The following BTBD9 variants were observed in gnomAD, a reference collection of about 807,000 sequenced individuals.
The protein encoded by BTBD9 is BTB domain containing 9, also known as BTB/POZ domain-containing protein 9.
Under a neutral mutation model 64.3 loss-of-function variants are expected in BTBD9, and 49 were observed. The observed-to-expected ratio is 0.76, with a 90% CI of 0.61 to 0.97. The LOEUF (loss-of-function observed/expected upper bound fraction) is 0.97. Ranked by LOEUF, BTBD9 falls within the 50% of genes least tolerant of loss-of-function variation. The pLI, the probability that BTBD9 is intolerant of heterozygous loss-of-function variation, is 0.00. For synonymous variants in BTBD9, 260 were observed against 274.7 expected (o/e 0.95, Z 0.53); for missense variants, 598 against 762.1 (o/e 0.78, Z 2.53).
At chr6:38,422,605 G>A (rs531708245) in intron 6 of BTBD9, among the ~76,000 whole-genome samples, 1 of 152,222 alleles carries the variant, frequency 6.6e-6, no homozygotes, top group African/African-American at 2.4e-5. Context: ...ATGTAGAATA[G>A]GGATCCCTGT....
intron 9 of BTBD9, among the ~76,000 whole-genome samples, chr6:38,198,351 C>T (rs1561861696): frequency 1.3e-5 from 2 of 152,096 alleles, no homozygotes; most frequent in Non-Finnish European, 2.9e-5. Context: ...CGGAAAGAAG[C>T]AGAGGACAGG....
At chr6:38,266,237 C>A (rs1188738483) in intron 8 of BTBD9, among the ~76,000 whole-genome samples, 1 of 151,932 alleles carries the variant, frequency 6.6e-6, no homozygotes, top group African/African-American at 2.4e-5. Flanking sequence ...AAATTTTGCC[C>A]CAGGCTTATG....
At chr6:38,228,626 A>G (rs1289532090) in intron 9 of BTBD9, among the ~76,000 whole-genome samples, 1 of 152,132 alleles carries the variant, frequency 6.6e-6, no homozygotes, top group Non-Finnish European at 1.5e-5. Context: ...CTGTAATCCC[A>G]GCACTTTGGG....
At chr6:38,324,061 C>T (rs1034104643) in intron 7 of BTBD9, among the ~76,000 whole-genome samples, 1 of 152,138 alleles carries the variant, frequency 6.6e-6, no homozygotes, top group African/African-American at 2.4e-5. Context: ...TTTGATCATG[C>T]CACTGAACTC....
At chr6:38,547,080 A>G (rs1015044679) in intron 6 of BTBD9, among the ~76,000 whole-genome samples, 1 of 152,184 alleles carries the variant, frequency 6.6e-6, no homozygotes, top group Non-Finnish European at 1.5e-5. Context: ...TGCTCCATTT[A>G]TCTGATTGCT....
At chr6:38,477,327 T>C (rs949165616) in intron 6 of BTBD9, among the ~76,000 whole-genome samples, 1 of 152,238 alleles carries the variant, frequency 6.6e-6, no homozygotes, top group African/African-American at 2.4e-5. Flanking sequence ...AACTAAGTGT[T>C]ACCTAGTACC....
intron 7 of BTBD9, among the ~76,000 whole-genome samples, chr6:38,308,644 C>T (rs1178201687): frequency 1.3e-5 from 2 of 152,060 alleles, no homozygotes; most frequent in Non-Finnish European, 2.9e-5. Flanking sequence ...CACTCTGTTG[C>T]CCAGGCGGGA....
At chr6:38,240,421 C>T (rs1251819346) in intron 9 of BTBD9, among the ~76,000 whole-genome samples, 1 of 152,172 alleles carries the variant, frequency 6.6e-6, no homozygotes, top group Admixed American at 6.5e-5. Context: ...CAAAATATGT[C>T]CACTAAATTA....
At position 38,171,908 on chromosome 6, in the gene BTBD9, AAT is replaced by A; in HGVS notation, c.*3075_*3076del. ...TAATAATAATAATAATAATAATAAT[AAT>A]GAAAAGTGAAGGGTGGGGGTGCTGG... On this transcript the variant is annotated 3_prime_UTR_variant, in exon 11 of 11. Transcript: ENST00000481247. The A allele has an allele frequency of 6.9e-6, 1 of 144,778 alleles. No individual in the cohort carries two copies. Among genetic ancestry groups the A allele is most frequent in the East Asian group, 2.1e-4 (1 of 4,818 alleles). 9.0% of individuals were successfully genotyped at this position (144,778 alleles called of 1,614,324 possible). A position where few individuals can be genotyped will look rare whatever the true frequency, so the allele number is the denominator to read the frequency against.
chr6:38,233,317 G>C (rs1057355116), intron 9 of BTBD9, among the ~76,000 whole-genome samples: 4 of 152,150 alleles, frequency 2.6e-5, no homozygotes, highest in African/African-American at 7.2e-5. Context: ...CAGGCTCTGT[G>C]CCAAGTTGTG....
chr6:38,527,042 A>C (rs960000058), intron 6 of BTBD9, among the ~76,000 whole-genome samples: 2 of 152,008 alleles, frequency 1.3e-5, no homozygotes, highest in African/African-American at 4.8e-5. Flanking sequence ...TCGGGAGGCC[A>C]GGCAGATGGA....
intron 6 of BTBD9, among the ~76,000 whole-genome samples, chr6:38,426,406 TG>T (rs1043293382): frequency 9.2e-5 from 14 of 151,968 alleles, no homozygotes; most frequent in Non-Finnish European, 1.5e-4. Context: ...CAACCCCCTT[TG>T]GGTCCCCTCC....
At chr6:38,383,091 G>A (rs530438597) in intron 6 of BTBD9, among the ~76,000 whole-genome samples, 12 of 152,178 alleles carry the variant, frequency 7.9e-5, no homozygotes, top group African/African-American at 2.9e-4. Context: ...AATTCTAGTT[G>A]ACCTCATAAA....
chr6:38,293,115 T>C (rs1762023414), intron 7 of BTBD9, among the ~76,000 whole-genome samples: 1 of 152,110 alleles, frequency 6.6e-6, no homozygotes, highest in Non-Finnish European at 1.5e-5. Flanking sequence ...AGTTTCCATG[T>C]AGTTGTGCAG....
chr6:38,345,196 G>A, intron 6 of BTBD9, 103 bp from the exon 7 acceptor site: 1 of 645,864 alleles, frequency 1.5e-6, no homozygotes, highest in Non-Finnish European at 2.7e-6. Context: ...GAGTGCACCA[G>A]GATATAGACC....
chr6:38,381,862 C>A (rs930904686), intron 6 of BTBD9, among the ~76,000 whole-genome samples: 2 of 151,380 alleles, frequency 1.3e-5, no homozygotes, highest in African/African-American at 2.4e-5. Context: ...AAAGAATCCA[C>A]GGGTCAAAGA....
chr6:38,345,099 G>A lies in BTBD9; in HGVS notation c.1155-6C>T, dbSNP rs187332722. ...TCCCAACAATTCGAATATACCTGAC[G>A]GTAAAAAGAAAAGAAAATGTGTTGA... is the stretch of plus-strand genomic sequence containing the variant. On this transcript the variant is annotated splice_polypyrimidine_tract_variant and splice_region_variant and intron_variant, in intron 6 of 10. Transcript: ENST00000481247. The A allele has an allele frequency of 9.4e-5, 147 of 1,567,534 alleles. No individual in the cohort carries two copies. In the East Asian group the frequency reaches 1.7e-3, roughly 18 times the overall value.
In BTBD9 at chr6:38,171,556, GT is replaced by G. The variant is rs1436415485; in HGVS notation, c.*3428del. The G allele has an allele frequency of 0.011, 2 of 188 alleles. No homozygotes were observed. The highest frequency in any genetic ancestry group is 0.018 in the Non-Finnish European group (1 of 56). 0.0% of individuals were successfully genotyped at this position (188 alleles called of 1,614,324 possible). ...AAGCACTGAGAAAATGGTAAAACGG[GT>G]GTGTGTGTGTGTGTGTGTGTGTGTG... is the stretch of plus-strand genomic sequence containing the variant. On this transcript the variant is annotated 3_prime_UTR_variant, in exon 11 of 11. Transcript: ENST00000481247.
chr6:38,279,693 C>T (rs1761435502), intron 8 of BTBD9, among the ~76,000 whole-genome samples: 1 of 152,096 alleles, frequency 6.6e-6, no homozygotes. Flanking sequence ...CCACTCATTT[C>T]GTTTTCCAAG....
Sources: gnomAD v4.1 joint callset for allele counts (sites outside exome capture counted in the v4.1 genomes callset) on GRCh38, gnomAD v4.1.1 for gene constraint, MANE v1.5 for transcripts, NCBI Gene and HGNC (gene_info 2026-07-23, HGNC 2026-07-21) for gene names.